Variants in DUSP16 observed in about 807,000 individuals in gnomAD.
DUSP16 encodes dual specificity phosphatase 16, also known as dual specificity protein phosphatase 16.
DUSP16 carries 21 observed loss-of-function variants against 58.3 expected under a neutral mutation model. The ratio of observed to expected loss-of-function variants is 0.36; its 90% CI spans 0.26 to 0.52. The LOEUF (loss-of-function observed/expected upper bound fraction) is 0.52, where lower values mean the gene tolerates loss of function less well. Among genes scored for constraint, DUSP16 ranks in the 20% least tolerant of loss-of-function variants. The pLI is 0.94. For missense variants in DUSP16, 726 were observed against 819.0 expected (o/e 0.89, Z 1.39); for synonymous variants, 320 against 323.8 (o/e 0.99, Z 0.12).
At chr12:12,524,948 C>T (rs1944283367) in intron 1 of DUSP16, among the ~76,000 whole-genome samples, 1 of 152,134 alleles carries the variant, frequency 6.6e-6, no homozygotes, top group African/African-American at 2.4e-5. Context: ...TAAATATATT[C>T]ATAATCCTTC....
chr12:12,480,447 C>CATCTG, intron 5 of DUSP16, 101 bp from the exon 6 acceptor site: 1 of 1,368,688 alleles, frequency 7.3e-7, no homozygotes, highest in Non-Finnish European at 1.0e-6. Context: ...CTGAAAACCT[C>CATCTG]TACGCAAATC....
chr12:12,500,762 A>G, intron 3 of DUSP16, 80 bp from the exon 4 acceptor site: 1 of 1,316,576 alleles, frequency 7.6e-7, no homozygotes, highest in Non-Finnish European at 1.0e-6. Flanking sequence ...CTGCTCAAAC[A>G]GTTTAAACCC....
At chr12:12,536,894 C>A (rs1197501343) in intron 1 of DUSP16, among the ~76,000 whole-genome samples, 1 of 152,088 alleles carries the variant, frequency 6.6e-6, no homozygotes, top group Non-Finnish European at 1.5e-5. Flanking sequence ...CAAAAATTAG[C>A]CAGGCATGGT....
At chr12:12,516,666 ATTTGC>A (rs1345309762) in intron 3 of DUSP16, among the ~76,000 whole-genome samples, 1 of 152,180 alleles carries the variant, frequency 6.6e-6, no homozygotes, top group Non-Finnish European at 1.5e-5. Flanking sequence ...GCAGCTATAT[ATTTGC>A]TTTATCAGAA....
At chr12:12,525,372 G>A (rs1376014829) in intron 1 of DUSP16, among the ~76,000 whole-genome samples, 4 of 151,854 alleles carry the variant, frequency 2.6e-5, no homozygotes, top group African/African-American at 2.4e-5. Flanking sequence ...AGGTTCAAGC[G>A]ATTCTCCTGC....
intron 3 of DUSP16, among the ~76,000 whole-genome samples, chr12:12,516,762 T>A (rs980900506): frequency 2.6e-5 from 4 of 152,256 alleles, no homozygotes; most frequent in African/African-American, 9.6e-5. Flanking sequence ...CTTAATATGC[T>A]TATATTCTAG....
At chr12:12,561,811 C>T (rs1944908596) in intron 1 of DUSP16, among the ~76,000 whole-genome samples, 1 of 151,540 alleles carries the variant, frequency 6.6e-6, no homozygotes, top group East Asian at 1.9e-4. Context: ...GCGCAGCGGC[C>T]GGGAGCGCAC....
At chr12:12,508,795 G>C (rs1456393445) in intron 3 of DUSP16, among the ~76,000 whole-genome samples, 1 of 152,078 alleles carries the variant, frequency 6.6e-6, no homozygotes. Context: ...TTGGTATTAG[G>C]ACATATGCAA....
chr12:12,552,771 A>C (rs1944748796), intron 1 of DUSP16, among the ~76,000 whole-genome samples: 1 of 151,874 alleles, frequency 6.6e-6, no homozygotes, highest in African/African-American at 2.4e-5. Context: ...ATTTATATCA[A>C]CCCTCTTTGT....
chr12:12,517,587 G>A (rs946603959), intron 3 of DUSP16, among the ~76,000 whole-genome samples: 7 of 152,104 alleles, frequency 4.6e-5, no homozygotes, highest in African/African-American at 9.7e-5. Flanking sequence ...CTACCCTGAC[G>A]AAAAAATTCA....
intron 3 of DUSP16, among the ~76,000 whole-genome samples, chr12:12,512,691 G>A (rs540210404): frequency 1.1e-3 from 160 of 152,234 alleles, no homozygotes; most frequent in African/African-American, 3.6e-3. Context: ...GTGTGTGTAT[G>A]TGTGCATACA....
intron 4 of DUSP16, among the ~76,000 whole-genome samples, chr12:12,498,309 C>T (rs759042974): frequency 3.3e-5 from 5 of 152,130 alleles, no homozygotes; most frequent in Non-Finnish European, 7.4e-5. Context: ...TGGTGGCTGA[C>T]TAAATGATCT....
intron 3 of DUSP16, among the ~76,000 whole-genome samples, chr12:12,517,092 TCA>T (rs527341179): frequency 6.6e-6 from 1 of 152,222 alleles, no homozygotes; most frequent in Non-Finnish European, 1.5e-5. Context: ...TTCTCCTTAT[TCA>T]CAGTCATTCT....
At chr12:12,506,922 A>G (rs1944005821) in intron 3 of DUSP16, among the ~76,000 whole-genome samples, 2 of 152,228 alleles carry the variant, frequency 1.3e-5, no homozygotes, top group African/African-American at 2.4e-5. Flanking sequence ...GGCATTCCTC[A>G]TTTAGATAAC....
intron 4 of DUSP16, among the ~76,000 whole-genome samples, chr12:12,495,724 T>C (rs945373203): frequency 2.6e-5 from 4 of 152,236 alleles, no homozygotes; most frequent in African/African-American, 9.6e-5. Flanking sequence ...CAATTCTAGA[T>C]AAAAGAATTG....
At chr12:12,556,354 T>G (rs904638362) in intron 1 of DUSP16, among the ~76,000 whole-genome samples, 67 of 152,028 alleles carry the variant, frequency 4.4e-4, no homozygotes, top group African/African-American at 1.6e-3. Flanking sequence ...AGCCAGGAGT[T>G]TAAGACCAGC....
Position 12,477,779 on chromosome 12 carries a change from C to T in DUSP16, c.1052G>A (p.Gly351Glu). 1 of 1,613,976 alleles carries T rather than the reference C, an allele frequency of 6.2e-7. No homozygotes were observed. The highest frequency in any genetic ancestry group is 8.5e-7 in the Non-Finnish European group (1 of 1,179,984). Residue 351 changes from glycine (G) to glutamate (E), a missense_variant, in exon 7 of 7, where the codon GGA becomes GAA. Gly to Glu is a moderately conservative substitution (Grantham distance 98). Transcript: ENST00000298573. The surrounding 1 kb of genome is among the most constrained non-coding windows in gnomAD (Gnocchi z 4.1). Reference sequence around the variant, plus strand: ...GCTGGCGGGATGCACGGGCCTTTGTCCTGCTGCCTCTGAGGTAGCAGAGTC... The same window carrying T: ...GCTGGCGGGATGCACGGGCCTTTGTTCTGCTGCCTCTGAGGTAGCAGAGTC... ...CADSATSEAAGQRPVHPASVP... is the reference protein window; with the variant it reads ...CADSATSEAAEQRPVHPASVP...
At chr12:12,490,495 TAGTC>T (rs1031759875) in intron 4 of DUSP16, among the ~76,000 whole-genome samples, 1 of 152,172 alleles carries the variant, frequency 6.6e-6, no homozygotes, top group African/African-American at 2.4e-5. Flanking sequence ...TCTGGATTGG[TAGTC>T]AGTGGAAAAA....
chr12:12,552,081 AC>A (rs1276375430), intron 1 of DUSP16, among the ~76,000 whole-genome samples: 25 of 152,354 alleles, frequency 1.6e-4, no homozygotes, highest in African/African-American at 6.0e-4. Flanking sequence ...TGCAAGATGG[AC>A]CAGTGGATTT....
Sources: gnomAD v4.1 joint callset for allele counts (sites outside exome capture counted in the v4.1 genomes callset) on GRCh38, gnomAD v4.1.1 for gene constraint, Gnocchi (gnomAD v3.1) non-coding constraint, MANE v1.5 for transcripts, NCBI Gene and HGNC (gene_info 2026-07-23, HGNC 2026-07-21) for gene names.